PPARGC1A: variants seen among roughly 807,000 people sequenced by gnomAD.
PPARGC1A encodes the protein peroxisome proliferator-activated receptor gamma coactivator 1-alpha.
PPARGC1A carries 25 observed loss-of-function variants against 88.7 expected under a neutral mutation model. That is an observed-to-expected ratio of 0.28 (90% CI 0.21 to 0.39). PPARGC1A has a LOEUF of 0.39. Ranked by LOEUF, PPARGC1A falls within the 10% of genes least tolerant of loss-of-function variation. The probability of loss-of-function intolerance (pLI) is 1.00; values close to 1 mark genes in which losing one functional copy is unlikely to be tolerated. For synonymous variants in PPARGC1A, 363 were observed against 355.6 expected (o/e 1.02, Z -0.24); for missense variants, 880 against 968.7 (o/e 0.91, Z 1.22).
the PPARGC1A span, among the ~76,000 whole-genome samples, chr4:24,030,354 A>G: frequency 4.9e-4 from 75 of 152,312 alleles, 1 homozygote; most frequent in Middle Eastern, 3.4e-3. Flanking sequence ...TACAGTTCAC[A>G]TTGGGGGCGT....
the PPARGC1A span, among the ~76,000 whole-genome samples, chr4:24,305,148 T>TATATATATAC: frequency 6.3e-3 from 937 of 148,554 alleles, 11 homozygotes; most frequent in African/African-American, 0.022. Flanking sequence ...TATATATATA[T>TATATATATAC]ACATACACAC....
the PPARGC1A span, among the ~76,000 whole-genome samples, chr4:23,949,736 G>T: frequency 5.4e-4 from 82 of 152,240 alleles, no homozygotes; most frequent in African/African-American, 1.9e-3. Context: ...AGCCTGATGT[G>T]AATTCAAGGA....
chr4:24,071,057 GCTGC>G, the PPARGC1A span, among the ~76,000 whole-genome samples: 2 of 152,110 alleles, frequency 1.3e-5, no homozygotes, highest in Admixed American at 1.3e-4. Flanking sequence ...ACATGACTTA[GCTGC>G]TACCTGATCA....
At chr4:24,423,271 C>T in the PPARGC1A span, among the ~76,000 whole-genome samples, 3 of 152,132 alleles carry the variant, frequency 2.0e-5, no homozygotes, top group South Asian at 2.1e-4. Context: ...ATCAGTGACC[C>T]GGTTGCCTCC....
At chr4:24,379,925 C>T in the PPARGC1A span, among the ~76,000 whole-genome samples, 8 of 151,746 alleles carry the variant, frequency 5.3e-5, no homozygotes, top group Admixed American at 1.3e-4. Flanking sequence ...ATTACAGACG[C>T]GCCCCACCAC....
chr4:24,400,960 G>A, the PPARGC1A span, among the ~76,000 whole-genome samples: 5 of 150,052 alleles, frequency 3.3e-5, no homozygotes, highest in Admixed American at 6.6e-5. Context: ...CTTGTATCTG[G>A]AACATATGAA....
chr4:24,082,258 T>C, the PPARGC1A span, among the ~76,000 whole-genome samples: 1 of 152,098 alleles, frequency 6.6e-6, no homozygotes, highest in Non-Finnish European at 1.5e-5. Context: ...TTTAAACAGA[T>C]CATATTCTTT....
At chr4:23,948,453 AG>A in the PPARGC1A span, among the ~76,000 whole-genome samples, 7 of 152,136 alleles carry the variant, frequency 4.6e-5, no homozygotes, top group Non-Finnish European at 1.0e-4. Context: ...TCTGAGAGGC[AG>A]GTACTGTAAC....
chr4:24,293,816 G>C, the PPARGC1A span, among the ~76,000 whole-genome samples: 2 of 151,692 alleles, frequency 1.3e-5, no homozygotes, highest in African/African-American at 4.8e-5. Flanking sequence ...ATTGTTACAG[G>C]CACAAACACC....
the PPARGC1A span, among the ~76,000 whole-genome samples, chr4:24,060,383 T>G: frequency 6.6e-6 from 1 of 152,262 alleles, no homozygotes; most frequent in Non-Finnish European, 1.5e-5. Context: ...CCATAATTTT[T>G]CATTCATTTT....
the PPARGC1A span, among the ~76,000 whole-genome samples, chr4:24,129,113 T>C: frequency 2.6e-5 from 4 of 152,238 alleles, no homozygotes; most frequent in African/African-American, 7.2e-5. Context: ...ATGAACTTTC[T>C]GGGTGTTCTT....
At chr4:23,911,107 G>A in the PPARGC1A span, among the ~76,000 whole-genome samples, 1 of 152,146 alleles carries the variant, frequency 6.6e-6, no homozygotes, top group South Asian at 2.1e-4. Context: ...CAATGAGTCT[G>A]GAGTAACAGA....
At chr4:23,988,887 T>C in the PPARGC1A span, among the ~76,000 whole-genome samples, 1 of 147,620 alleles carries the variant, frequency 6.8e-6, no homozygotes, top group Non-Finnish European at 1.5e-5. Flanking sequence ...AATAGTATAA[T>C]ACAGATTTAT....
chr4:23,932,626 A>C, the PPARGC1A span, among the ~76,000 whole-genome samples: 1 of 152,230 alleles, frequency 6.6e-6, no homozygotes, highest in African/African-American at 2.4e-5. Context: ...AAATACAAGA[A>C]ATGGTAGCTT....
the PPARGC1A span, among the ~76,000 whole-genome samples, chr4:23,963,368 T>G: frequency 6.6e-6 from 1 of 152,200 alleles, no homozygotes; most frequent in Non-Finnish European, 1.5e-5. Context: ...TCAAAACCAT[T>G]CACTCCTGGC....
the PPARGC1A span, among the ~76,000 whole-genome samples, chr4:24,018,073 C>A: frequency 6.6e-6 from 1 of 152,094 alleles, no homozygotes; most frequent in Admixed American, 6.6e-5. Context: ...GATAAATCTC[C>A]ATTTGTGAAA....
chr4:24,277,795 C>A, the PPARGC1A span, among the ~76,000 whole-genome samples: 1 of 152,084 alleles, frequency 6.6e-6, no homozygotes, highest in African/African-American at 2.4e-5. Context: ...GACAGGAGAG[C>A]AAATGCTGCT....
the PPARGC1A span, among the ~76,000 whole-genome samples, chr4:24,390,756 A>G: frequency 4.9e-4 from 74 of 152,062 alleles, no homozygotes; most frequent in African/African-American, 1.8e-3. Context: ...TGGCCTTTCT[A>G]TGTTGCTCTC....
chr4:24,255,030 A>G, the PPARGC1A span, among the ~76,000 whole-genome samples: 40,694 of 152,140 alleles, frequency 0.27, 5,860 homozygotes, highest in East Asian at 0.44. Context: ...AAGACTGAGC[A>G]TATTTCAGGG....
Sources: allele counts gnomAD v4.1 joint callset (sites outside exome capture counted in the v4.1 genomes callset), GRCh38; gene constraint gnomAD v4.1.1; transcripts MANE v1.5; gene names NCBI Gene and HGNC (gene_info 2026-07-23, HGNC 2026-07-21).